Variants in C12orf42 observed in about 807,000 individuals in gnomAD.
C12orf42 encodes chromosome 12 open reading frame 42, also known as uncharacterized protein C12orf42.
A neutral mutation model predicts 21.6 loss-of-function variants in C12orf42; 25 were observed. The ratio of observed to expected loss-of-function variants is 1.16; its 90% CI spans 0.84 to 1.62. C12orf42 has a LOEUF of 1.62. Among genes scored for constraint, C12orf42 ranks in the 40% most tolerant of loss-of-function variants. The pLI, the probability that C12orf42 is intolerant of heterozygous loss-of-function variation, is 0.00. For missense variants in C12orf42, 483 were observed against 459.3 expected (o/e 1.05, Z -0.47); for synonymous variants, 174 against 175.0 (o/e 0.99, Z 0.05).
At chr12:103,214,054 CAG>C in the C12orf42 span, among the ~76,000 whole-genome samples, 1 of 152,204 alleles carries the variant, frequency 6.6e-6, no homozygotes, top group Non-Finnish European at 1.5e-5. Flanking sequence ...ACTTCCTTAA[CAG>C]AGTTTGGCAC....
the C12orf42 span, among the ~76,000 whole-genome samples, chr12:103,200,708 T>C: frequency 1.3e-5 from 2 of 152,218 alleles, no homozygotes; most frequent in African/African-American, 2.4e-5. Context: ...TAGTTTTGTA[T>C]GCCTGTTTGT....
At chr12:103,096,096 A>C in the C12orf42 span, among the ~76,000 whole-genome samples, 1 of 152,206 alleles carries the variant, frequency 6.6e-6, no homozygotes, top group South Asian at 2.1e-4. Context: ...TCATGGTCTC[A>C]AAATTGGATT....
chr12:103,437,921 C>T (rs1402624281), intron 2 of C12orf42, among the ~76,000 whole-genome samples: 8 of 147,834 alleles, frequency 5.4e-5, no homozygotes, highest in African/African-American at 2.0e-4. Context: ...CCAGCATCAT[C>T]CTGATACCAA....
chr12:103,126,056 C>G, the C12orf42 span, among the ~76,000 whole-genome samples: 2 of 152,172 alleles, frequency 1.3e-5, no homozygotes, highest in African/African-American at 2.4e-5. Flanking sequence ...TGCTGGTATT[C>G]CTGCGCTGCC....
intron 4 of C12orf42, among the ~76,000 whole-genome samples, chr12:103,322,660 T>C (rs1159885214): frequency 2.0e-5 from 3 of 152,206 alleles, no homozygotes; most frequent in African/African-American, 7.2e-5. Flanking sequence ...TCGAAATAAC[T>C]TTAATAAATT....
chr12:103,368,148 A>G lies in C12orf42; in HGVS notation c.259+739T>C, dbSNP rs1284775037. On this transcript the variant is annotated intron_variant, in intron 4 of 5. Transcript: ENST00000548883. ...TGGACAGTCGCAGGTTGTCAAAATC[A>G]TCTATGGTGACAATGTTATGGGGAA... is the stretch of plus-strand genomic sequence containing the variant. 1.2e-5 allele frequency: 10 copies of G among 848,644 alleles called. 1 individual carries two copies. The highest frequency in any genetic ancestry group is 4.2e-5 in the South Asian group (3 of 72,000). The allele number at this position is 848,644 out of a possible 1,614,324, so 52.6% of individuals were successfully genotyped here.
the C12orf42 span, among the ~76,000 whole-genome samples, chr12:103,213,667 C>T: frequency 1.3e-5 from 2 of 152,110 alleles, no homozygotes; most frequent in South Asian, 2.1e-4. Context: ...ATTCAACACA[C>T]GGGTGCAAAA....
At chr12:103,140,322 G>A in the C12orf42 span, among the ~76,000 whole-genome samples, 1 of 152,176 alleles carries the variant, frequency 6.6e-6, no homozygotes, top group Non-Finnish European at 1.5e-5. Flanking sequence ...ACCTAATCTA[G>A]TCTAAATATT....
At chr12:103,244,917 T>C (rs1413810157) in intron 10 of C12orf42, among the ~76,000 whole-genome samples, 1 of 152,058 alleles carries the variant, frequency 6.6e-6, no homozygotes, top group Non-Finnish European at 1.5e-5. Flanking sequence ...TTTTTATTTG[T>C]GGTGACATCA....
chr12:103,379,017 CAT>C (rs1491039939), intron 3 of C12orf42, among the ~76,000 whole-genome samples: 1 of 152,098 alleles, frequency 6.6e-6, no homozygotes, highest in Non-Finnish European at 1.5e-5. Flanking sequence ...CACACACACA[CAT>C]AGACACTTAG....
intron 4 of C12orf42, among the ~76,000 whole-genome samples, chr12:103,364,172 G>A (rs1366329956): frequency 2.0e-5 from 3 of 151,920 alleles, no homozygotes; most frequent in East Asian, 1.9e-4. Context: ...GAATAAAACT[G>A]GAAATCAACT....
At chr12:103,331,398 A>G (rs1391409163) in intron 4 of C12orf42, among the ~76,000 whole-genome samples, 2 of 152,236 alleles carry the variant, frequency 1.3e-5, no homozygotes, top group Non-Finnish European at 2.9e-5. Context: ...CCCTGATCCA[A>G]TCATCAGCTA....
chr12:103,327,295 C>T lies in C12orf42; in HGVS notation c.260-20950G>A, dbSNP rs542820388. ...AGAAGCCCCAAGCATGATTCCAATA[C>T]AGGTATTCTGGGCATAGGGTTGCCA... On this transcript the variant is annotated intron_variant, in intron 4 of 5. Coordinates refer to ENST00000548883, the MANE Select transcript of C12orf42 (RefSeq NM_198521.5). Among the ~76,000 whole-genome samples the T allele has an allele frequency of 6.6e-5, 10 of 152,278 alleles. No individual in the cohort carries two copies. The East Asian group carries it at 1.9e-3, about 29-fold the overall frequency.
the C12orf42 span, among the ~76,000 whole-genome samples, chr12:103,521,811 C>G: frequency 2.7e-4 from 41 of 152,350 alleles, no homozygotes; most frequent in African/African-American, 9.9e-4. Context: ...TTTCCCCTCT[C>G]CCACTCAGTG....
the C12orf42 span, among the ~76,000 whole-genome samples, chr12:103,119,553 G>A: frequency 6.6e-6 from 1 of 152,136 alleles, no homozygotes; most frequent in African/African-American, 2.4e-5. Flanking sequence ...TCCTGATCTG[G>A]CAGATCAAGA....
intron 4 of C12orf42, among the ~76,000 whole-genome samples, chr12:103,364,708 T>C (rs1321966778): frequency 6.6e-6 from 1 of 152,000 alleles, no homozygotes; most frequent in African/African-American, 2.4e-5. Context: ...TGAACATTTT[T>C]ACCTACATAA....
At chr12:103,525,568 A>C in the C12orf42 span, among the ~76,000 whole-genome samples, 1 of 152,288 alleles carries the variant, frequency 6.6e-6, no homozygotes, top group African/African-American at 2.4e-5. Context: ...CTGAGGTAAA[A>C]TATTATTATT....
chr12:103,388,379 T>C (rs1360804754), intron 3 of C12orf42, among the ~76,000 whole-genome samples: 1 of 152,180 alleles, frequency 6.6e-6, no homozygotes, highest in Non-Finnish European at 1.5e-5. Context: ...TACACCCCAC[T>C]CTGCATCAAA....
chr12:103,430,673 T>C (rs1452793467), intron 2 of C12orf42, among the ~76,000 whole-genome samples: 2 of 152,184 alleles, frequency 1.3e-5, no homozygotes, highest in African/African-American at 2.4e-5. Flanking sequence ...CATATGTTTA[T>C]TGCAGCACTA....
Sources: allele counts gnomAD v4.1 joint callset (sites outside exome capture counted in the v4.1 genomes callset), GRCh38; gene constraint gnomAD v4.1.1; transcripts MANE v1.5; gene names NCBI Gene and HGNC (gene_info 2026-07-23, HGNC 2026-07-21).